Variants in ADAMTS2 observed in about 807,000 individuals in gnomAD.
The protein encoded by ADAMTS2 is A disintegrin and metalloproteinase with thrombospondin motifs 2.
ADAMTS2 carries 50 observed loss-of-function variants against 123.0 expected under a neutral mutation model. The ratio of observed to expected loss-of-function variants is 0.41; its 90% CI spans 0.32 to 0.51. The LOEUF (loss-of-function observed/expected upper bound fraction) is 0.51. Among genes scored for constraint, ADAMTS2 ranks in the 20% least tolerant of loss-of-function variants. ADAMTS2 has a pLI of 0.35. For synonymous variants in ADAMTS2, 678 were observed against 695.4 expected, an observed-to-expected ratio of 0.98 and a Z score of 0.39; for missense variants, 1,494 against 1,705.2, an observed-to-expected ratio of 0.88 and a Z score of 2.18.
chr5:179,290,321 C>G (rs908667639), intron 2 of ADAMTS2, among the ~76,000 whole-genome samples: 17 of 152,294 alleles, frequency 1.1e-4, no homozygotes, highest in African/African-American at 4.1e-4. Flanking sequence ...CCCTTTGACC[C>G]TCTCCACCAC....
intron 3 of ADAMTS2, among the ~76,000 whole-genome samples, chr5:179,216,112 T>G (rs933072605): frequency 6.6e-6 from 1 of 152,080 alleles, no homozygotes; most frequent in African/African-American, 2.4e-5. Context: ...CCAACACAGA[T>G]AGAGAAAACG....
chr5:179,192,014 C>T (rs1307357820), intron 4 of ADAMTS2, among the ~76,000 whole-genome samples: 1 of 152,116 alleles, frequency 6.6e-6, no homozygotes, highest in Non-Finnish European at 1.5e-5. Flanking sequence ...GTCCAGCATG[C>T]CTAAGTGGCC....
intron 2 of ADAMTS2, among the ~76,000 whole-genome samples, chr5:179,327,393 C>A (rs1221038552): frequency 6.6e-6 from 1 of 152,174 alleles, no homozygotes; most frequent in East Asian, 1.9e-4. Context: ...TGAACCACAT[C>A]CCCCGTAGAA....
Position 179,132,150 on chromosome 5 carries a change from C to T in ADAMTS2, c.2290+80G>A, listed in dbSNP as rs1762975367. The T allele has an allele frequency of 2.8e-6, 4 of 1,443,066 alleles. No individual in the cohort carries two copies. The highest frequency in any genetic ancestry group is 3.9e-6 in the Non-Finnish European group (4 of 1,033,978). 89.4% of individuals were successfully genotyped at this position (1,443,066 alleles called of 1,614,324 possible). A position where few individuals can be genotyped will look rare whatever the true frequency, so the allele number is the denominator to read the frequency against. ...GGCTGCACAACCCGGGCCCCTGACC[C>T]CTGACCCCTGGCACTCTGCCCATTG... is the stretch of plus-strand genomic sequence containing the variant. On this transcript the variant is annotated intron_variant, in intron 15 of 21. Transcript: ENST00000251582. The surrounding 1 kb of genome is among the most constrained non-coding windows in gnomAD (Gnocchi z 6.1).
chr5:179,182,298 A>C (rs1764067678), intron 4 of ADAMTS2, among the ~76,000 whole-genome samples: 1 of 152,208 alleles, frequency 6.6e-6, no homozygotes, highest in African/African-American at 2.4e-5. Context: ...CAAGAAGTGG[A>C]GAAACAGGGA....
chr5:179,318,984 G>A (rs1434781398), intron 2 of ADAMTS2, among the ~76,000 whole-genome samples: 1 of 152,228 alleles, frequency 6.6e-6, no homozygotes, highest in African/African-American at 2.4e-5. Context: ...TTTCTCTCCT[G>A]TCTTCCTCCA....
intron 3 of ADAMTS2, among the ~76,000 whole-genome samples, chr5:179,271,908 G>A (rs1406382586): frequency 6.6e-6 from 1 of 152,162 alleles, no homozygotes; most frequent in Non-Finnish European, 1.5e-5. Flanking sequence ...TCACAGCACG[G>A]GGGCTGGCCC....
At chr5:179,270,533 A>T (rs1028913011) in intron 3 of ADAMTS2, among the ~76,000 whole-genome samples, 1 of 152,096 alleles carries the variant, frequency 6.6e-6, no homozygotes, top group African/African-American at 2.4e-5. Flanking sequence ...ACACACATAC[A>T]CACACACCCG....
Position 179,137,814 on chromosome 5 carries a change from G to A in ADAMTS2, c.1906C>T (p.His636Tyr), listed in dbSNP as rs778646166. The change falls in exon 12 of 22, where the codon CAC becomes TAC. Residue 636 changes from histidine (H) to tyrosine (Y), a missense_variant. By Grantham distance (83) the His-to-Tyr change is moderately conservative. Coordinates refer to ENST00000251582, the MANE Select transcript of ADAMTS2 (RefSeq NM_014244.5). ...AGCCAGTGGTGCTGGGCGTCGCCGT[G>A]CTCGAAGTACAGGTCCCACTGGCGG... ...QCRQWDLYFEHGDAQHHWLPH... is the reference protein window; with the variant it reads ...QCRQWDLYFEYGDAQHHWLPH... The A allele has an allele frequency of 8.2e-6, 13 of 1,580,376 alleles. No individual in the cohort carries two copies. The Admixed American group carries it at 2.1e-4, about 26-fold the overall frequency.
At chr5:179,119,410 T>C (rs914919979) in intron 21 of ADAMTS2, among the ~76,000 whole-genome samples, 2 of 152,208 alleles carry the variant, frequency 1.3e-5, no homozygotes, top group African/African-American at 4.8e-5. Context: ...TCCCTCTCCC[T>C]GGTGGGACTC....
chr5:179,206,276 C>T (rs1764691828), intron 4 of ADAMTS2, among the ~76,000 whole-genome samples: 1 of 152,200 alleles, frequency 6.6e-6, no homozygotes, highest in Admixed American at 6.5e-5. Context: ...AGCTCACTCA[C>T]ATCCCCTCCT....
intron 2 of ADAMTS2, among the ~76,000 whole-genome samples, chr5:179,275,112 T>C (rs562533428): frequency 2.6e-5 from 4 of 151,550 alleles, no homozygotes; most frequent in Admixed American, 1.3e-4. Context: ...GTGAGGGAGA[T>C]TGTAGGCAGC....
intron 2 of ADAMTS2, among the ~76,000 whole-genome samples, chr5:179,331,740 T>C (rs1282503350): frequency 2.2e-4 from 33 of 152,124 alleles, no homozygotes; most frequent in Admixed American, 2.2e-3. Context: ...TGAGCCCTGG[T>C]CTGGGACCTC....
At chr5:179,167,570 C>A (rs898681615) in intron 5 of ADAMTS2, among the ~76,000 whole-genome samples, 1 of 152,130 alleles carries the variant, frequency 6.6e-6, no homozygotes, top group Non-Finnish European at 1.5e-5. Flanking sequence ...GAGGCCGCCT[C>A]CGCTGGAACC....
At chr5:179,269,910 G>A (rs1209281095) in intron 3 of ADAMTS2, among the ~76,000 whole-genome samples, 1 of 152,114 alleles carries the variant, frequency 6.6e-6, no homozygotes, top group Admixed American at 6.5e-5. Context: ...TCGGCCTCCG[G>A]TCCTGGCCAG....
In ADAMTS2 at chr5:179,115,121, G is replaced by A. The variant is rs1167245485; in HGVS notation, c.3179-797C>T. Among the ~76,000 whole-genome samples the A allele has an allele frequency of 2.6e-5, 4 of 151,990 alleles. No homozygotes were observed. Among genetic ancestry groups the A allele is most frequent in the Non-Finnish European group, 5.9e-5 (4 of 68,032 alleles). ...ATCTTTCTCTTTCCTTTCCACCCAA[G>A]AAACTGGTCATCTGTGGTCCAGCTT... is the stretch of plus-strand genomic sequence containing the variant. On this transcript the variant is annotated intron_variant, in intron 21 of 21. Coordinates refer to ENST00000251582, the MANE Select transcript of ADAMTS2 (RefSeq NM_014244.5). This position sits in a 1 kb window ranked among gnomAD's most constrained non-coding sequence, Gnocchi z 4.4.
At position 179,113,955 on chromosome 5, in the gene ADAMTS2, C is replaced by T. The variant is rs374889359; in HGVS notation, c.3548G>A (p.Arg1183Gln). The T allele has an allele frequency of 3.6e-5, 58 of 1,613,964 alleles. No individual in the cohort carries two copies. Among genetic ancestry groups the T allele is most frequent in the Non-Finnish European group, 4.7e-5 (55 of 1,180,026 alleles). ...EVQPPNLIPRRPSPYEKTRNQ... is the reference protein window; with the variant it reads ...EVQPPNLIPRQPSPYEKTRNQ... ...TCTGGTCTTTTCATAGGGGCTCGGT[C>T]GTCGAGGGATTAGGTTGGGTGGCTG... Residue 1183 changes from arginine to glutamine, a missense_variant, in exon 22 of 22, where the codon CGA (arginine) becomes CAA (glutamine). Transcript: ENST00000251582.
rs1311569961 is a variant in ADAMTS2 at position 179,189,375 on chromosome 5, T to C, written c.892-8220A>G. 6.8e-6 allele frequency among the ~76,000 whole-genome samples: 1 copy of C among 147,896 alleles called. No homozygotes were observed. On this transcript the variant is annotated intron_variant, in intron 4 of 21. Transcript: ENST00000251582. This position sits in a 1 kb window ranked among gnomAD's most constrained non-coding sequence, Gnocchi z 4.2. ...ATTTTTTTTTTTTTTTGAGACGGAGTCTCTCTCTGTTGCCCAGGTTGGAGT... is the reference window on the plus strand; with the variant it reads ...ATTTTTTTTTTTTTTTGAGACGGAGCCTCTCTCTGTTGCCCAGGTTGGAGT...
rs76044441 is a variant in ADAMTS2, at chr5:179,250,911, G to A, written c.688+22000C>T. On this transcript the variant is annotated intron_variant, in intron 3 of 21. Coordinates refer to ENST00000251582, the MANE Select transcript of ADAMTS2 (RefSeq NM_014244.5). ...CGCATCCTGCCCGCACATTGCTTCC[G>A]CCAGTGGAGCCCCAGCTGAAACACT... Among the ~76,000 whole-genome samples the A allele has an allele frequency of 3.9e-5, 6 of 152,316 alleles. No individual in the cohort carries two copies. In the East Asian group the frequency reaches 5.8e-4, roughly 15 times the overall value.
Sources: allele counts gnomAD v4.1 joint callset (sites outside exome capture counted in the v4.1 genomes callset), GRCh38; gene constraint gnomAD v4.1.1; non-coding constraint Gnocchi (gnomAD v3.1); transcripts MANE v1.5; gene names NCBI Gene and HGNC (gene_info 2026-07-23, HGNC 2026-07-21).